The following ICMT variants were observed in gnomAD, a reference collection of about 807,000 sequenced individuals.
The protein encoded by ICMT is isoprenylcysteine carboxyl methyltransferase, also known as protein-S-isoprenylcysteine O-methyltransferase.
A neutral mutation model predicts 32.2 loss-of-function variants in ICMT; 10 were observed. That is an observed-to-expected ratio of 0.31 (90% CI 0.19 to 0.53). ICMT has a LOEUF of 0.53. Among genes scored for constraint, ICMT ranks in the 20% least tolerant of loss-of-function variants. The probability of loss-of-function intolerance (pLI) is 0.96; values close to 1 mark genes in which losing one functional copy is unlikely to be tolerated. For synonymous variants in ICMT, 183 were observed against 158.2 expected (o/e 1.16, Z -1.18); for missense variants, 265 against 356.9 (o/e 0.74, Z 2.07).
intron 4 of ICMT, among the ~76,000 whole-genome samples, chr1:6,231,254 C>G (rs77161736): frequency 0.044 from 6,696 of 152,128 alleles, 465 homozygotes; most frequent in African/African-American, 0.15. Flanking sequence ...CTCCATGGCT[C>G]ACACAGCTCA....
intron 4 of ICMT, among the ~76,000 whole-genome samples, chr1:6,227,081 T>C (rs1299708423): frequency 3.3e-5 from 5 of 152,210 alleles, no homozygotes; most frequent in Non-Finnish European, 7.3e-5. Context: ...ATTGAAATAA[T>C]AAGATAGAAA....
intron 4 of ICMT, among the ~76,000 whole-genome samples, chr1:6,225,722 C>A (rs538033185): frequency 6.6e-6 from 1 of 152,278 alleles, no homozygotes; most frequent in South Asian, 2.1e-4. Context: ...CCGAAATGCC[C>A]CTTCCAGCAG....
intron 3 of ICMT, among the ~76,000 whole-genome samples, chr1:6,233,254 T>A (rs962571126): frequency 6.6e-6 from 1 of 152,264 alleles, no homozygotes; most frequent in African/African-American, 2.4e-5. Flanking sequence ...CACTATGTGA[T>A]GCAAACTTTA....
Position 6,224,584 on chromosome 1 carries a change from T to C in ICMT, c.*496A>G, listed in dbSNP as rs1668612273. 6 of 153,206 alleles carry C rather than the reference T, an allele frequency of 3.9e-5. No individual in the cohort carries two copies. Among genetic ancestry groups the C allele is most frequent in the Admixed American group, 2.6e-4 (4 of 15,314 alleles). 9.5% of individuals were successfully genotyped at this position (153,206 alleles called of 1,614,324 possible). A position where few individuals can be genotyped will look rare whatever the true frequency, so the allele number is the denominator to read the frequency against. On this transcript the variant is annotated 3_prime_UTR_variant, in exon 5 of 5. Transcript: ENST00000343813. ...ATTTTTAAAATTGTATAGATGTTCA[T>C]GCAGTGGGGGACAGAAATAAAGAGG...
intron 4 of ICMT, among the ~76,000 whole-genome samples, chr1:6,226,972 C>G (rs7554180): frequency 6.8e-4 from 103 of 152,354 alleles, no homozygotes; most frequent in Non-Finnish European, 1.2e-3. Flanking sequence ...ACCCTCACAT[C>G]TGGCATAGCT....
intron 2 of ICMT, among the ~76,000 whole-genome samples, chr1:6,233,850 TTTG>T (rs935235903): frequency 6.6e-6 from 1 of 151,980 alleles, no homozygotes; most frequent in Non-Finnish European, 1.5e-5. Flanking sequence ...TTTCTGGTGT[TTTG>T]TTTTGTTTTG....
chr1:6,224,933 G>T lies in ICMT; in HGVS notation c.*147C>A. 2 of 771,680 alleles carry T rather than the reference G, an allele frequency of 2.6e-6. No individual in the cohort carries two copies. Among genetic ancestry groups the T allele is most frequent in the Non-Finnish European group, 4.2e-6 (2 of 471,176 alleles). 47.8% of individuals were successfully genotyped at this position (771,680 alleles called of 1,614,324 possible). The stretch of plus-strand genomic sequence containing the variant: ...GGGGCCTTGGGTCCTCAGGCCTTCT[G>T]ACCGCTTGGTCTTGAGTGACATTCC... On this transcript the variant is annotated 3_prime_UTR_variant, in exon 5 of 5. Coordinates refer to ENST00000343813, the MANE Select transcript of ICMT (RefSeq NM_012405.4).
chr1:6,232,641 T>C lies in ICMT; in HGVS notation c.455-522A>G, dbSNP rs187740983. ...TCAGCTCACTGCAACCTCCATCTCC[T>C]GGGTTCAAGCAATTCTCCTGCCTCA... On this transcript the variant is annotated intron_variant, in intron 3 of 4. Transcript: ENST00000343813. Among the ~76,000 whole-genome samples the C allele has an allele frequency of 4.8e-3, 727 of 151,594 alleles. 10 individuals carry two copies. The highest frequency in any genetic ancestry group is 0.016 in the African/African-American group (674 of 41,296).
chr1:6,231,398 A>G (rs1571226113), intron 4 of ICMT, among the ~76,000 whole-genome samples: 2 of 152,162 alleles, frequency 1.3e-5, no homozygotes, highest in African/African-American at 4.8e-5. Flanking sequence ...CTTCAGATCT[A>G]TTAATAGGTT....
chr1:6,225,914 G>C (rs1236935063), intron 4 of ICMT, among the ~76,000 whole-genome samples: 1 of 151,580 alleles, frequency 6.6e-6, no homozygotes, highest in Non-Finnish European at 1.5e-5. Context: ...GAGTGCAGTG[G>C]CGTGATCATG....
At chr1:6,232,982 C>T (rs1000430267) in intron 3 of ICMT, among the ~76,000 whole-genome samples, 1 of 152,078 alleles carries the variant, frequency 6.6e-6, no homozygotes, top group Non-Finnish European at 1.5e-5. Context: ...CTCAGCCTCC[C>T]GAGTAGCTGG....
chr1:6,230,416 C>CTA (rs1231514789), intron 4 of ICMT, among the ~76,000 whole-genome samples: 1 of 152,042 alleles, frequency 6.6e-6, no homozygotes, highest in Non-Finnish European at 1.5e-5. Flanking sequence ...AGAACCACCT[C>CTA]TACAAAAAAT....
rs1417630851 is a variant in ICMT at position 6,235,825 on chromosome 1, C to T, written c.87G>A (p.Ala29=). Residue 29 remains alanine, a synonymous_variant, in exon 1 of 5, where the codon GCG becomes GCA. Coordinates refer to ENST00000343813, the MANE Select transcript of ICMT (RefSeq NM_012405.4). Reference sequence around the variant, plus strand: ...GGCCGGCGCGCGTGAGCAGCGGCAGCGCGAGCACCGAGGCGCCCAGCAGGA... The same window carrying T: ...GGCCGGCGCGCGTGAGCAGCGGCAGTGCGAGCACCGAGGCGCCCAGCAGGA... ...ATFLLGASVL[A]LPLLTRAGLQ... The T allele has an allele frequency of 1.5e-6, 2 of 1,299,796 alleles. No individual in the cohort carries two copies. The highest frequency in any genetic ancestry group is 1.7e-5 in the South Asian group (1 of 58,556). 80.5% of individuals were successfully genotyped at this position (1,299,796 alleles called of 1,614,324 possible).
intron 4 of ICMT, among the ~76,000 whole-genome samples, chr1:6,225,590 C>T (rs929395272): frequency 6.6e-6 from 1 of 152,132 alleles, no homozygotes; most frequent in African/African-American, 2.4e-5. Context: ...TGCACGCTGC[C>T]TTCCTGCCCA....
intron 1 of ICMT, 94 bp from the exon 2 acceptor site, chr1:6,235,068 G>A: frequency 1.1e-6 from 1 of 939,864 alleles, no homozygotes; most frequent in Non-Finnish European, 1.7e-6. Flanking sequence ...CCACAGGCAA[G>A]CAGATAGAGC....
chr1:6,227,413 G>C (rs1668661455), intron 4 of ICMT, among the ~76,000 whole-genome samples: 1 of 152,218 alleles, frequency 6.6e-6, no homozygotes, highest in African/African-American at 2.4e-5. Flanking sequence ...CAAGGACCAT[G>C]CATTGCTGAT....
At chr1:6,235,630 G>A in intron 1 of ICMT, 87 bp downstream of exon 1, 1 of 931,986 alleles carries the variant, frequency 1.1e-6, no homozygotes, top group Non-Finnish European at 1.3e-6. Context: ...AGGCCACTGC[G>A]GGCCCGGGGA....
Position 6,233,493 on chromosome 1 carries a change from A to T in ICMT, c.435T>A (p.Leu145=). The T allele has an allele frequency of 6.2e-7, 1 of 1,613,612 alleles. No homozygotes were observed. Among genetic ancestry groups the T allele is most frequent in the Non-Finnish European group, 8.5e-7 (1 of 1,179,876 alleles). The change falls in exon 3 of 5, where the codon CTT becomes CTA. Residue 145 remains leucine (L), a synonymous_variant. Transcript: ENST00000343813. The part of the protein sequence containing the change: ...AALSSWLEFT[L]ENIFWPELKQ... ...ACGAACCTGGCCAAAAGATATTTTC[A>T]AGTGTGAACTCTAACCAAGAAGAAA...
chr1:6,235,054 C>A, intron 1 of ICMT, 80 bp from the exon 2 acceptor site: 2 of 1,143,930 alleles, frequency 1.7e-6, no homozygotes, highest in Non-Finnish European at 2.6e-6. Context: ...CCGGAATAGG[C>A]AACCCACAGG....
Sources: gnomAD v4.1 joint callset for allele counts (sites outside exome capture counted in the v4.1 genomes callset) on GRCh38, gnomAD v4.1.1 for gene constraint, MANE v1.5 for transcripts, NCBI Gene and HGNC (gene_info 2026-07-23, HGNC 2026-07-21) for gene names.